The following FSTL5 variants were observed in gnomAD, a reference collection of about 807,000 sequenced individuals.
The protein encoded by FSTL5 is follistatin like 5.
In FSTL5, 62 loss-of-function variants were observed where a neutral mutation model predicts 89.1. The ratio of observed to expected loss-of-function variants is 0.70; its 90% CI spans 0.57 to 0.86. FSTL5 has a LOEUF of 0.86. Among genes scored for constraint, FSTL5 ranks in the 40% least tolerant of loss-of-function variants. FSTL5 has a pLI of 0.00. For missense variants in FSTL5, 1,057 were observed against 1,001.6 expected (o/e 1.06, Z -0.75); for synonymous variants, 383 against 346.2 (o/e 1.11, Z -1.18).
At chr4:162,005,129 T>A (rs1388865286) in intron 3 of FSTL5, among the ~76,000 whole-genome samples, 1 of 152,172 alleles carries the variant, frequency 6.6e-6, no homozygotes, top group African/African-American at 2.4e-5. Context: ...CTCCATTGTG[T>A]CCCATTTTTC....
At chr4:162,075,460 T>G (rs2872706) in intron 2 of FSTL5, among the ~76,000 whole-genome samples, 151,595 of 151,900 alleles carry the variant, frequency 1, 75,645 homozygotes, top group Middle Eastern at 1. Context: ...AGCTCCATGA[T>G]GATCTGAGGC....
intron 7 of FSTL5, among the ~76,000 whole-genome samples, chr4:161,617,574 T>C (rs188374442): frequency 1.3e-5 from 2 of 151,882 alleles, no homozygotes; most frequent in African/African-American, 2.4e-5. Context: ...CAAATCATAA[T>C]CAAACTGCTG....
At chr4:161,947,588 A>G (rs1415553071) in intron 3 of FSTL5, among the ~76,000 whole-genome samples, 1 of 152,094 alleles carries the variant, frequency 6.6e-6, no homozygotes, top group Non-Finnish European at 1.5e-5. Flanking sequence ...TCCCACATAA[A>G]TATCTATTTT....
chr4:162,074,827 T>A (rs754574683), intron 2 of FSTL5, among the ~76,000 whole-genome samples: 14 of 151,712 alleles, frequency 9.2e-5, no homozygotes, highest in Non-Finnish European at 1.5e-5. Flanking sequence ...TGAAAATGTA[T>A]TTAATACCGA....
intron 6 of FSTL5, 150 bp from the exon 7 acceptor site, chr4:161,656,644 C>T: frequency 2.2e-6 from 1 of 451,714 alleles, no homozygotes. Context: ...AAATTGTTTC[C>T]AATAAAAGGT....
rs546478895 is a variant in FSTL5, at chr4:161,590,463, C to T, written c.895-2888G>A. On this transcript the variant is annotated intron_variant, in intron 7 of 15. Coordinates refer to ENST00000306100, the MANE Select transcript of FSTL5 (RefSeq NM_020116.5). ...CTGAGGCACGAGAATTGCTTGAACC[C>T]GAGAGGTGGAGGTTGCAGTGAGCCG... 2.8e-4 allele frequency among the ~76,000 whole-genome samples: 43 copies of T among 152,240 alleles called. No individual in the cohort carries two copies. In the East Asian group the frequency reaches 5.8e-3, roughly 21 times the overall value.
intron 7 of FSTL5, among the ~76,000 whole-genome samples, chr4:161,620,352 G>GA (rs1223928733): frequency 2.6e-5 from 4 of 152,052 alleles, no homozygotes; most frequent in Middle Eastern, 6.8e-3. Flanking sequence ...TAATTTAAAA[G>GA]AAAAAAGAAA....
chr4:161,626,802 G>A (rs911620510), intron 7 of FSTL5, among the ~76,000 whole-genome samples: 13 of 152,126 alleles, frequency 8.5e-5, no homozygotes, highest in African/African-American at 3.1e-4. Context: ...ATATTAACAG[G>A]AGTTTGGAAG....
chr4:162,081,134 T>A (rs1730080334), intron 2 of FSTL5, among the ~76,000 whole-genome samples: 1 of 151,686 alleles, frequency 6.6e-6, no homozygotes, highest in Non-Finnish European at 1.5e-5. Context: ...AATTATTTAA[T>A]GATGAATATT....
intron 4 of FSTL5, among the ~76,000 whole-genome samples, chr4:161,776,800 A>G (rs1337870845): frequency 6.6e-6 from 1 of 152,006 alleles, no homozygotes; most frequent in Non-Finnish European, 1.5e-5. Context: ...CAGGCATACA[A>G]TGTGCAATGA....
intron 4 of FSTL5, among the ~76,000 whole-genome samples, chr4:161,906,539 C>T (rs1490390135): frequency 6.6e-6 from 1 of 152,068 alleles, no homozygotes; most frequent in African/African-American, 2.4e-5. Flanking sequence ...CTTCAAAAAA[C>T]CACTCTGTAA....
At chr4:161,542,766 G>T (rs1208567500) in intron 8 of FSTL5, 73 bp from the exon 9 acceptor site, 1 of 900,454 alleles carries the variant, frequency 1.1e-6, no homozygotes, top group Non-Finnish European at 1.6e-6. Context: ...AAGAAAAATT[G>T]CAATAAGATA....
chr4:161,613,427 C>A (rs1287372301), intron 7 of FSTL5, among the ~76,000 whole-genome samples: 2 of 146,348 alleles, frequency 1.4e-5, no homozygotes, highest in African/African-American at 5.1e-5. Flanking sequence ...TCCAGTCTGG[C>A]GACAGAGTGA....
At chr4:161,746,295 T>C (rs1242390675) in intron 6 of FSTL5, among the ~76,000 whole-genome samples, 1 of 152,190 alleles carries the variant, frequency 6.6e-6, no homozygotes, top group Non-Finnish European at 1.5e-5. Context: ...CTAGAAATTG[T>C]TAGCCTTATC....
chr4:161,530,178 G>A (rs10004507), intron 10 of FSTL5, among the ~76,000 whole-genome samples: 4,448 of 142,044 alleles, frequency 0.031, 612 homozygotes, highest in African/African-American at 0.1. Flanking sequence ...ATATTCATAC[G>A]ATCTTTATAG....
chr4:162,155,116 T>C lies in FSTL5; in HGVS notation c.-17+8499A>G, dbSNP rs28369645. 6.4e-3 allele frequency among the ~76,000 whole-genome samples: 972 copies of C among 152,276 alleles called. 6 individuals are homozygous for C. The highest frequency in any genetic ancestry group is 0.021 in the African/African-American group (881 of 41,558). On this transcript the variant is annotated intron_variant, in intron 1 of 15. Coordinates refer to ENST00000306100, the MANE Select transcript of FSTL5 (RefSeq NM_020116.5). ...GGACCTATAACTTGCTTTTGACCAA[T>C]AGACCATGGCAAAGGTAATGTGCTA... is the stretch of plus-strand genomic sequence containing the variant.
chr4:161,955,825 G>C (rs987289474), intron 3 of FSTL5, among the ~76,000 whole-genome samples: 2 of 151,764 alleles, frequency 1.3e-5, no homozygotes, highest in Non-Finnish European at 2.9e-5. Flanking sequence ...ATGTAAAAAT[G>C]AGACAATTAG....
At chr4:161,606,729 C>T (rs62328844) in intron 7 of FSTL5, among the ~76,000 whole-genome samples, 26,093 of 151,904 alleles carry the variant, frequency 0.17, 2,737 homozygotes, top group Non-Finnish European at 0.21. Flanking sequence ...GAACCAAAAA[C>T]CTAAGATTCT....
intron 8 of FSTL5, among the ~76,000 whole-genome samples, chr4:161,570,787 C>G (rs1012089512): frequency 1.3e-5 from 2 of 152,088 alleles, no homozygotes; most frequent in African/African-American, 4.8e-5. Context: ...ATGCTCTGGA[C>G]CTAAAAGGAT....
Sources: gnomAD v4.1 joint callset for allele counts (sites outside exome capture counted in the v4.1 genomes callset) on GRCh38, gnomAD v4.1.1 for gene constraint, MANE v1.5 for transcripts, NCBI Gene and HGNC (gene_info 2026-07-23, HGNC 2026-07-21) for gene names.